Variants in ART1 observed in about 807,000 individuals in gnomAD.
ART1 encodes the protein ADP-ribosyltransferase 1, also known as GPI-linked NAD(P)(+)--arginine ADP-ribosyltransferase 1.
Under a neutral mutation model 27.0 loss-of-function variants are expected in ART1, and 29 were observed. The ratio of observed to expected loss-of-function variants is 1.08; its 90% CI spans 0.80 to 1.47. The LOEUF (loss-of-function observed/expected upper bound fraction) is 1.47, where lower values mean the gene tolerates loss of function less well. Ranked by LOEUF, ART1 falls within the 40% of genes most tolerant of loss-of-function variation. ART1 has a pLI of 0.00. For synonymous variants in ART1, 201 were observed against 172.2 expected, an observed-to-expected ratio of 1.17 and a Z score of -1.31; for missense variants, 480 against 423.0, an observed-to-expected ratio of 1.13 and a Z score of -1.18.
rs373315358 is a variant in ART1, at chr11:3,664,274, T to C, written c.*85T>C. 1.5e-5 allele frequency: 20 copies of C among 1,305,394 alleles called. No homozygotes were observed. In the East Asian group the frequency reaches 1.6e-4, roughly 11 times the overall value. The allele number at this position is 1,305,394 out of a possible 1,614,324, so 80.9% of individuals were successfully genotyped here. On this transcript the variant is annotated 3_prime_UTR_variant, in exon 5 of 5. Transcript: ENST00000250693. The stretch of plus-strand genomic sequence containing the variant: ...TGTGTGCTTTCAGTGTAACCAAGAT[T>C]CCTGTCAATCCCATCTGCAGGGAAC...
At chr11:3,663,073 C>CTCATCTCATCTCATCTCA (rs754454251) in intron 4 of ART1, among the ~76,000 whole-genome samples, 3 of 100,332 alleles carry the variant, frequency 3.0e-5, no homozygotes, top group African/African-American at 4.8e-5. Context: ...CTCATCTCAT[C>CTCATCTCATCTCATCTCA]TCATCATCTC....
In ART1 at chr11:3,659,833, C is replaced by A. The variant is rs35123761; in HGVS notation, c.314C>A (p.Pro105Gln). The change falls in exon 3 of 5, where the codon CCG becomes CAG. Residue 105 changes from proline to glutamine, a missense_variant. Pro to Gln is a moderately conservative substitution (Grantham distance 76, BLOSUM62 -1). Coordinates refer to ENST00000250693, the MANE Select transcript of ART1 (RefSeq NM_004314.3). ...AGTCTCAGCCCCACCCGTCCATCCCCGCCACCCCTGGGCTTCCGCGATGAG... is the reference window on the plus strand; with the variant it reads ...AGTCTCAGCCCCACCCGTCCATCCCAGCCACCCCTGGGCTTCCGCGATGAG... ...EWSLSPTRPSPPPLGFRDEHG... is the reference protein window; with the variant it reads ...EWSLSPTRPSQPPLGFRDEHG... The A allele has an allele frequency of 8.1e-6, 13 of 1,611,824 alleles. No homozygotes were observed. The highest frequency in any genetic ancestry group is 1.3e-5 in the African/African-American group (1 of 74,894).
chr11:3,648,459 G>A (rs949321001), intron 1 of ART1, among the ~76,000 whole-genome samples: 5 of 152,160 alleles, frequency 3.3e-5, no homozygotes, highest in Admixed American at 3.3e-4. Flanking sequence ...AATCCAGTAA[G>A]CAGACTCTTT....
chr11:3,657,674 G>A lies in ART1; in HGVS notation c.-52-1488G>A, dbSNP rs371451606. Among the ~76,000 whole-genome samples the A allele has an allele frequency of 2.6e-5, 4 of 152,162 alleles. No homozygotes were observed. In the East Asian group the frequency reaches 5.8e-4, roughly 22 times the overall value. ...CACTGGCAAAGATGTGGAATAAAGG[G>A]CACTCTCATCCATTGTTGGTGGGGT... On this transcript the variant is annotated intron_variant, in intron 1 of 4. Coordinates refer to ENST00000250693, the MANE Select transcript of ART1 (RefSeq NM_004314.3).
chr11:3,659,131 A>G (rs1289889171), intron 1 of ART1, 31 bp from the exon 2 acceptor site: 1 of 1,330,960 alleles, frequency 7.5e-7, no homozygotes, highest in African/African-American at 1.4e-5. Flanking sequence ...ATGTTTATTA[A>G]ACTATACAGA....
At chr11:3,650,928 A>C (rs2077516791) in intron 1 of ART1, among the ~76,000 whole-genome samples, 1 of 148,844 alleles carries the variant, frequency 6.7e-6, no homozygotes, top group Admixed American at 7.0e-5. Context: ...CAATGCCAGT[A>C]TCCCATCCCA....
At position 3,659,645 on chromosome 11, in the gene ART1, C is replaced by A; in HGVS notation, c.126C>A (p.Ala42=). 6.2e-7 allele frequency: 1 copy of A among 1,613,626 alleles called. No homozygotes were observed. Residue 42 remains alanine (A), a synonymous_variant, in exon 3 of 5, where the codon GCC becomes GCA. Coordinates refer to ENST00000250693, the MANE Select transcript of ART1 (RefSeq NM_004314.3). ...CTCAAGAGATTCAGCTGGACATGGC[C>A]CTGGCCTCCTTTGATGACCAGTACG... The part of the protein sequence containing the change: ...LFSQEIQLDM[A]LASFDDQYAG...
At chr11:3,651,149 A>G (rs61502842) in intron 1 of ART1, among the ~76,000 whole-genome samples, 16,251 of 147,204 alleles carry the variant, frequency 0.11, 987 homozygotes, top group South Asian at 0.17. Flanking sequence ...CCTATCCTCA[A>G]TTCCTCCCTC....
intron 1 of ART1, among the ~76,000 whole-genome samples, chr11:3,647,339 C>CAA (rs113492253): frequency 2.3e-5 from 3 of 132,558 alleles, no homozygotes; most frequent in Non-Finnish European, 3.3e-5. Context: ...CAAAACAAAA[C>CAA]AAAAAAAAAA....
intron 1 of ART1, among the ~76,000 whole-genome samples, chr11:3,653,626 G>C (rs1008954974): frequency 6.6e-6 from 1 of 152,156 alleles, no homozygotes; most frequent in Non-Finnish European, 1.5e-5. Flanking sequence ...TCTTCACACG[G>C]ACGCGCATGA....
In ART1 at chr11:3,648,831, G is replaced by C. The variant is rs940952585; in HGVS notation, c.-53+3652G>C. On this transcript the variant is annotated intron_variant, in intron 1 of 4. Transcript: ENST00000250693. ...TTCTCTGTGTCTCTACCCCTTCTCT[G>C]CTTTTCTGGGGGAGGGGCAAAAACT... Among the ~76,000 whole-genome samples, 77 of 151,002 alleles carry C rather than the reference G, an allele frequency of 5.1e-4. 3 individuals are homozygous for C. Among genetic ancestry groups the C allele is most frequent in the Non-Finnish European group, 1.0e-4 (7 of 67,814 alleles).
Position 3,660,010 on chromosome 11 carries a change from T to C in ART1, c.491T>C (p.Leu164Pro), listed in dbSNP as rs748021891. 7 of 1,613,932 alleles carry C rather than the reference T, an allele frequency of 4.3e-6. No individual in the cohort carries two copies. In the South Asian group the frequency reaches 7.7e-5, roughly 18 times the overall value. Residue 164 changes from leucine (L) to proline (P), a missense_variant, in exon 3 of 5, where the codon CTC becomes CCC. Leu to Pro is a moderately conservative substitution (Grantham distance 98, BLOSUM62 -3). Transcript: ENST00000250693. ...TTCCTGCTGACTGAGGCCCTGCAGC[T>C]CCTGGGCAGCGGCCAGCGTCCACCC... Reference protein sequence around the residue: ...LHFLLTEALQLLGSGQRPPRC... With the variant: ...LHFLLTEALQPLGSGQRPPRC...
At position 3,659,293 on chromosome 11, in the gene ART1, C is replaced by T; in HGVS notation, c.63+17C>T. On this transcript the variant is annotated intron_variant, in intron 2 of 4. Transcript: ENST00000250693. Reference sequence around the variant, plus strand: ...GCACTTCAGGTATGGGCATCCCCCACTGTTCCCACCCCAGCAGGGAACTGA... The same window carrying T: ...GCACTTCAGGTATGGGCATCCCCCATTGTTCCCACCCCAGCAGGGAACTGA... 5 of 1,614,146 alleles carry T rather than the reference C, an allele frequency of 3.1e-6. No homozygotes were observed. Among genetic ancestry groups the T allele is most frequent in the Non-Finnish European group, 4.2e-6 (5 of 1,180,028 alleles).
intron 1 of ART1, among the ~76,000 whole-genome samples, chr11:3,654,907 G>A (rs561261682): frequency 1.8e-4 from 28 of 152,010 alleles, no homozygotes; most frequent in African/African-American, 6.7e-4. Context: ...CTTGTTTATT[G>A]TAGAGCAGAT....
At chr11:3,651,306 G>C (rs975395095) in intron 1 of ART1, among the ~76,000 whole-genome samples, 21 of 150,960 alleles carry the variant, frequency 1.4e-4, no homozygotes, top group African/African-American at 4.2e-4. Flanking sequence ...CTGCCGCAAG[G>C]CTTCACAGAC....
At chr11:3,651,400 C>T (rs534184981) in intron 1 of ART1, among the ~76,000 whole-genome samples, 1 of 149,516 alleles carries the variant, frequency 6.7e-6, no homozygotes, top group Admixed American at 6.6e-5. Flanking sequence ...CACACGTGCT[C>T]TCCCTGCTGA....
intron 1 of ART1, among the ~76,000 whole-genome samples, chr11:3,653,818 C>G (rs558013059): frequency 4.3e-5 from 6 of 140,982 alleles, no homozygotes; most frequent in Non-Finnish European, 7.7e-5. Flanking sequence ...GCCATTCTCC[C>G]ATCAGACATC....
intron 1 of ART1, among the ~76,000 whole-genome samples, chr11:3,650,862 C>A (rs150343012): frequency 8.1e-6 from 1 of 123,244 alleles, no homozygotes; most frequent in African/African-American, 2.7e-5. Flanking sequence ...TCCTCCTTCG[C>A]GACCGATCAT....
chr11:3,659,014 C>T, intron 1 of ART1, 148 bp from the exon 2 acceptor site: 1 of 585,580 alleles, frequency 1.7e-6, no homozygotes, highest in Non-Finnish European at 3.0e-6. Flanking sequence ...CAGGAAGTCA[C>T]TCATGTTCCT....
Sources: allele counts gnomAD v4.1 joint callset (sites outside exome capture counted in the v4.1 genomes callset), GRCh38; gene constraint gnomAD v4.1.1; transcripts MANE v1.5; gene names NCBI Gene and HGNC (gene_info 2026-07-23, HGNC 2026-07-21).